Variants in MOV10 observed in about 807,000 individuals in gnomAD.
The protein encoded by MOV10 is Mov10 RNA helicase.
A neutral mutation model predicts 108.4 loss-of-function variants in MOV10; 39 were observed. That is an observed-to-expected ratio of 0.36 (90% confidence interval 0.28 to 0.47). MOV10 has a LOEUF of 0.47. Ranked by LOEUF, MOV10 falls within the 20% of genes least tolerant of loss-of-function variation. The pLI, the probability that MOV10 is intolerant of heterozygous loss-of-function variation, is 1.00. For missense variants in MOV10, 952 were observed against 1,297.6 expected (o/e 0.73, Z 4.09); for synonymous variants, 490 against 523.1 (o/e 0.94, Z 0.86).
At chr1:112,680,593 T>C (rs1672547711) in intron 2 of MOV10, among the ~76,000 whole-genome samples, 1 of 143,266 alleles carries the variant, frequency 7.0e-6, no homozygotes, top group Admixed American at 7.0e-5. Context: ...GAGGCGGAGC[T>C]TGCAGTGAGC....
intron 7 of MOV10, 123 bp from the exon 8 acceptor site, chr1:112,693,895 C>G: frequency 2.6e-6 from 2 of 760,066 alleles, no homozygotes. Flanking sequence ...AGCATAACTC[C>G]CTGAGTCTTA....
In MOV10 at chr1:112,696,137, A is replaced by G. The variant is rs1343374087; in HGVS notation, c.1780-11A>G. The G allele has an allele frequency of 6.2e-7, 1 of 1,601,722 alleles. No individual in the cohort carries two copies. ...CCAAGCTGATTCCTCTGGTCCCTTC[A>G]CAATCCACAGCCCTGCTGCAACTGG... is the stretch of plus-strand genomic sequence containing the variant. On this transcript the variant is annotated splice_polypyrimidine_tract_variant and intron_variant, in intron 11 of 20. Transcript: ENST00000369645.
rs776346413 is a variant in MOV10, at chr1:112,689,066, AGAG to A, written c.273_275del (p.Arg92del). On this transcript the variant is annotated inframe_deletion, in exon 3 of 21. Coordinates refer to ENST00000369645, the MANE Select transcript of MOV10 (RefSeq NM_001321324.2). ...TGGGCCGACGTGCGGTTCCCAGAAA[AGAG>A]GAGAATGAAGCTGGGGTCAGATATC... 21 of 1,612,426 alleles carry A rather than the reference AGAG, an allele frequency of 1.3e-5. No individual in the cohort carries two copies. The highest frequency in any genetic ancestry group is 1.6e-5 in the Non-Finnish European group (19 of 1,180,040).
intron 2 of MOV10, among the ~76,000 whole-genome samples, chr1:112,683,275 G>A (rs1439736253): frequency 6.6e-6 from 1 of 152,156 alleles, no homozygotes; most frequent in Non-Finnish European, 1.5e-5. Flanking sequence ...CTTTTGGGAT[G>A]TAACTAGGAG....
Position 112,694,330 on chromosome 1 carries a change from A to C in MOV10, c.1296-123A>C. 1 of 1,432,562 alleles carries C rather than the reference A, an allele frequency of 7.0e-7. No homozygotes were observed. Among genetic ancestry groups the C allele is most frequent in the African/African-American group, 1.4e-5 (1 of 70,844 alleles). 88.7% of individuals were successfully genotyped at this position (1,432,562 alleles called of 1,614,324 possible). On this transcript the variant is annotated intron_variant, in intron 8 of 20. Transcript: ENST00000369645. This position sits in a 1 kb window ranked among gnomAD's most constrained non-coding sequence, Gnocchi z 4.1. ...AGATGCTACGGCAGCTTCCTCTTCT[A>C]GAGAACTTGCATAGAGGTCTTGGAA...
At chr1:112,689,780 C>T (rs1485901961) in intron 4 of MOV10, 60 bp from the exon 5 acceptor site, 90 of 1,591,056 alleles carry the variant, frequency 5.7e-5, no homozygotes, top group Non-Finnish European at 6.9e-5. Context: ...GGGGAGTGTC[C>T]GGGATAAGGA....
chr1:112,689,093 TC>T lies in MOV10; in HGVS notation c.297del (p.Ser100AlafsTer8). 1 of 1,611,878 alleles carries T rather than the reference TC, an allele frequency of 6.2e-7. No homozygotes were observed. The highest frequency in any genetic ancestry group is 8.5e-7 in the Non-Finnish European group (1 of 1,179,770). On this transcript the variant is annotated frameshift_variant, in exon 3 of 21. Coordinates refer to ENST00000369645, the MANE Select transcript of MOV10 (RefSeq NM_001321324.2). LOFTEE classifies it high-confidence loss of function. ...EKRRMKLGSD[I>X]SKHHKSLLAK... The stretch of plus-strand genomic sequence containing the variant: ...AGGAGAATGAAGCTGGGGTCAGATA[TC>T]AGCAAACACCACAAGTCACTGCTAG...
At chr1:112,691,895 G>A (rs1673624948) in intron 6 of MOV10, 96 bp downstream of exon 6, 2 of 1,382,568 alleles carry the variant, frequency 1.4e-6, no homozygotes, top group African/African-American at 1.4e-5. Flanking sequence ...CTCCCAGGCT[G>A]TATTCATTCA....
chr1:112,692,698 A>G (rs1673690679), intron 6 of MOV10, 63 bp from the exon 7 acceptor site: 8 of 1,591,910 alleles, frequency 5.0e-6, no homozygotes, highest in East Asian at 2.2e-5. Flanking sequence ...ACTCCTGGGC[A>G]TAGGGGTTGT....
In MOV10 at chr1:112,675,424, C is replaced by A. The variant is rs1052669441; in HGVS notation, c.137+375C>A. ...GAGCCTCCAGAGGGGGCCCAGGCAT[C>A]GCGGGAGCGCGGGTTAGAGGCTGCC... is the stretch of plus-strand genomic sequence containing the variant. On this transcript the variant is annotated intron_variant, in intron 2 of 20. Coordinates refer to ENST00000369645, the MANE Select transcript of MOV10 (RefSeq NM_001321324.2). The surrounding 1 kb of genome is among the most constrained non-coding windows in gnomAD (Gnocchi z 4.7). 6.6e-6 allele frequency among the ~76,000 whole-genome samples: 1 copy of A among 152,188 alleles called. No homozygotes were observed. Among genetic ancestry groups the A allele is most frequent in the Admixed American group, 6.5e-5 (1 of 15,284 alleles).
At position 112,689,395 on chromosome 1, in the gene MOV10, TTG is replaced by T; in HGVS notation, c.342-19_342-18del. 2 of 566,048 alleles carry T rather than the reference TTG, an allele frequency of 3.5e-6. No homozygotes were observed. Among genetic ancestry groups the T allele is most frequent in the South Asian group, 1.4e-5 (1 of 69,702 alleles). 35.1% of individuals were successfully genotyped at this position (566,048 alleles called of 1,614,324 possible). ...AGACCGCTCCCACCCCAACCCCCCC[TTG>T]ACTCCCCTTCTCCCCAGGGCTGAGT... On this transcript the variant is annotated intron_variant, in intron 3 of 20. Coordinates refer to ENST00000369645, the MANE Select transcript of MOV10 (RefSeq NM_001321324.2).
At chr1:112,699,854 G>A in intron 18 of MOV10, 40 bp from the exon 19 acceptor site, 1 of 1,613,996 alleles carries the variant, frequency 6.2e-7, no homozygotes, top group Non-Finnish European at 8.5e-7. Context: ...CCATTCTCGG[G>A]GCTCTTCCCT....
intron 4 of MOV10, 54 bp downstream of exon 4, chr1:112,689,704 T>C (rs1222066737): frequency 3.1e-6 from 5 of 1,596,594 alleles, no homozygotes; most frequent in Non-Finnish European, 4.3e-6. Context: ...TCCCAGGCAG[T>C]GCTTATGCTT....
At chr1:112,699,480 T>C in intron 17 of MOV10, 1 of 1,423,368 alleles carries the variant, frequency 7.0e-7, no homozygotes, top group Non-Finnish European at 9.2e-7. Context: ...GCCCCAGCCC[T>C]CAGCAGGATT....
At chr1:112,698,216 G>A in intron 15 of MOV10, 71 bp from the exon 16 acceptor site, 1 of 1,601,442 alleles carries the variant, frequency 6.2e-7, no homozygotes, top group Non-Finnish European at 8.5e-7. Context: ...TTACTCTCTG[G>A]AAGGGTTTGG....
At chr1:112,687,799 G>GT (rs532645822) in intron 2 of MOV10, among the ~76,000 whole-genome samples, 61 of 152,226 alleles carry the variant, frequency 4.0e-4, no homozygotes, top group Admixed American at 1.8e-3. Context: ...ACCCTACGAG[G>GT]TAAGTCTCGC....
Position 112,675,524 on chromosome 1 carries a change from G to A in MOV10, c.137+475G>A, listed in dbSNP as rs1199172725. The stretch of plus-strand genomic sequence containing the variant: ...CTTGTTGAGGCGCTGCTGCCTCGGG[G>A]GTCCGCTATCTGGGAGAACTGAAGA... On this transcript the variant is annotated intron_variant, in intron 2 of 20. Coordinates refer to ENST00000369645, the MANE Select transcript of MOV10 (RefSeq NM_001321324.2). This position sits in a 1 kb window ranked among gnomAD's most constrained non-coding sequence, Gnocchi z 4.7. Among the ~76,000 whole-genome samples the A allele has an allele frequency of 1.3e-5, 2 of 152,234 alleles. No homozygotes were observed. The highest frequency in any genetic ancestry group is 2.9e-5 in the Non-Finnish European group (2 of 68,034).
rs1673876375 is a variant in MOV10 at position 112,694,467 on chromosome 1, T to C, written c.1310T>C (p.Phe437Ser). 1 of 1,613,876 alleles carries C rather than the reference T, an allele frequency of 6.2e-7. No homozygotes were observed. The highest frequency in any genetic ancestry group is 8.5e-7 in the Non-Finnish European group (1 of 1,180,020). Residue 437 changes from phenylalanine (F) to serine (S), a missense_variant, in exon 9 of 21, where the codon TTT becomes TCT. Physicochemically the swap from Phe to Ser is radical, Grantham distance 155. This residue lies in a region of MOV10 where 453 missense variants were observed against 611.5 expected (regional missense o/e 0.74). Coordinates refer to ENST00000369645, the MANE Select transcript of MOV10 (RefSeq NM_001321324.2). The surrounding 1 kb of genome is among the most constrained non-coding windows in gnomAD (Gnocchi z 4.1). ...TCTGCCCAAAGCCTCCTGAGCCGCT[T>C]TGTGGATGGGCTGACCTTCAAGGTG... ...LSFSMSLLSR[F>S]VDGLTFKVNF...
At chr1:112,693,258 A>G (rs1380899514) in intron 7 of MOV10, among the ~76,000 whole-genome samples, 1 of 152,238 alleles carries the variant, frequency 6.6e-6, no homozygotes, top group African/African-American at 2.4e-5. Context: ...ATGTGTGCAT[A>G]TAAGCCCAAA....
Sources: gnomAD v4.1 joint callset for allele counts (sites outside exome capture counted in the v4.1 genomes callset) on GRCh38, gnomAD v4.1.1 for gene constraint, gnomAD v4.1.1 regional missense constraint, Gnocchi (gnomAD v3.1) non-coding constraint, MANE v1.5 for transcripts, NCBI Gene and HGNC (gene_info 2026-07-23, HGNC 2026-07-21) for gene names.